CCR9: variants seen among roughly 807,000 people sequenced by gnomAD.
CCR9 encodes the protein C-C motif chemokine receptor 9, also known as C-C chemokine receptor type 9.
In CCR9, 4 loss-of-function variants were observed where a neutral mutation model predicts 8.7. The ratio of observed to expected loss-of-function variants is 0.46; its 90% confidence interval spans 0.23 to 1.06. The LOEUF (loss-of-function observed/expected upper bound fraction) is 1.06. CCR9 is among the 50% of genes least tolerant of loss of function. The probability of loss-of-function intolerance (pLI) is 0.21; values close to 1 mark genes in which losing one functional copy is unlikely to be tolerated. For synonymous variants in CCR9, 159 were observed against 168.8 expected (o/e 0.94, Z 0.45); for missense variants, 394 against 453.6 (o/e 0.87, Z 1.19).
rs993716060 is a variant in CCR9, at chr3:45,900,511, G to C, written c.22-299G>C. Among the ~76,000 whole-genome samples the C allele has an allele frequency of 6.6e-6, 1 of 152,144 alleles. No homozygotes were observed. Among genetic ancestry groups the C allele is most frequent in the African/African-American group, 2.4e-5 (1 of 41,430 alleles). The stretch of plus-strand genomic sequence containing the variant: ...ATGCACACTATAAATGTTCATTTGC[G>C]TGTCTGGTTGCTCTATGGGTAGGTA... On this transcript the variant is annotated intron_variant, in intron 2 of 2. Coordinates refer to ENST00000357632, the MANE Select transcript of CCR9 (RefSeq NM_031200.3). The surrounding 1 kb of genome is among the most constrained non-coding windows in gnomAD (Gnocchi z 4.7).
Position 45,892,201 on chromosome 3 carries a change from T to G in CCR9, c.-28-2705T>G, listed in dbSNP as rs72884922. Among the ~76,000 whole-genome samples, 1,156 of 152,300 alleles carry G rather than the reference T, an allele frequency of 7.6e-3. 15 individuals are homozygous for G. Among genetic ancestry groups the G allele is most frequent in the African/African-American group, 0.026 (1,086 of 41,560 alleles). On this transcript the variant is annotated intron_variant, in intron 1 of 2. Transcript: ENST00000357632. The stretch of plus-strand genomic sequence containing the variant: ...CACACATACATATACATATACAAAT[T>G]GTCTATCTATCTATCTAATTTAATC...
At position 45,901,469 on chromosome 3, in the gene CCR9, C is replaced by T. The variant is rs145949330; in HGVS notation, c.681C>T (p.Phe227=). The change falls in exon 3 of 3, where the codon TTC becomes TTT. Residue 227 remains phenylalanine (F), a synonymous_variant. Transcript: ENST00000357632. The surrounding 1 kb of genome is among the most constrained non-coding windows in gnomAD (Gnocchi z 4.3). ...TCATTCTGGGGTTCTTCCTTCCCTT[C>T]GTGGTCATGGCTTGCTGCTATACCA... ...LKVILGFFLP[F]VVMACCYTII... is the part of the protein sequence containing the mutation. 90 of 1,614,048 alleles carry T rather than the reference C, an allele frequency of 5.6e-5. No homozygotes were observed. The highest frequency in any genetic ancestry group is 9.3e-5 in the African/African-American group (7 of 74,932).
chr3:45,886,315 G>T (rs1320937935), upstream of CCR9, among the ~76,000 whole-genome samples: 1 of 152,206 alleles, frequency 6.6e-6, no homozygotes, highest in Non-Finnish European at 1.5e-5. Flanking sequence ...TCTAGGAAGA[G>T]AATTTGCTCT....
chr3:45,890,277 T>TATATAAATATATATATAAC (rs1559421375), intron 1 of CCR9, among the ~76,000 whole-genome samples: 1,477 of 69,376 alleles, frequency 0.021, 510 homozygotes, highest in African/African-American at 0.069. Flanking sequence ...ATAACATATA[T>TATATAAATATATATATAAC]ATATATTTAT....
In CCR9 at chr3:45,888,907, C is replaced by T. The variant is rs931026859; in HGVS notation, c.-29+2252C>T. The stretch of plus-strand genomic sequence containing the variant: ...TGGCTCTCTCCAAATTTTCTATGAG[C>T]CAGAAGCAGATGCATATTTTATAAA... On this transcript the variant is annotated intron_variant, in intron 1 of 2. Coordinates refer to ENST00000357632, the MANE Select transcript of CCR9 (RefSeq NM_031200.3). Among the ~76,000 whole-genome samples, 3 of 152,270 alleles carry T rather than the reference C, an allele frequency of 2.0e-5. No individual in the cohort carries two copies. The East Asian group carries it at 5.8e-4, about 29-fold the overall frequency.
chr3:45,889,877 T>C (rs2125739808), intron 1 of CCR9, among the ~76,000 whole-genome samples: 1 of 152,066 alleles, frequency 6.6e-6, no homozygotes, highest in African/African-American at 2.4e-5. Context: ...ATTTTTGTTC[T>C]GCTCCAACAT....
chr3:45,888,398 A>G (rs1702048381), intron 1 of CCR9, among the ~76,000 whole-genome samples: 1 of 152,190 alleles, frequency 6.6e-6, no homozygotes, highest in Non-Finnish European at 1.5e-5. Context: ...ACCACAACTC[A>G]TAGCACTTTC....
intron 1 of CCR9, among the ~76,000 whole-genome samples, chr3:45,889,851 T>C (rs1702094669): frequency 6.6e-6 from 1 of 151,952 alleles, no homozygotes; most frequent in Non-Finnish European, 1.5e-5. Flanking sequence ...TTGCTGAATA[T>C]TTAAGTTGTT....
Position 45,902,211 on chromosome 3 carries a change from C to A in CCR9, c.*313C>A, listed in dbSNP as rs200911894. 1 of 258,126 alleles carries A rather than the reference C, an allele frequency of 3.9e-6. No individual in the cohort carries two copies. Among genetic ancestry groups the A allele is most frequent in the Non-Finnish European group, 7.9e-6 (1 of 127,134 alleles). The allele number at this position is 258,126 out of a possible 1,614,324, so 16.0% of individuals were successfully genotyped here. On this transcript the variant is annotated 3_prime_UTR_variant, in exon 3 of 3. Transcript: ENST00000357632. ...TCAATGCCGCTGCCTCTGGAGGAGC[C>A]CTTGGATTTTCTCCATGCACTGTGA...
chr3:45,900,796 G>A lies in CCR9; in HGVS notation c.22-14G>A, dbSNP rs1161393788. 3 of 1,598,748 alleles carry A rather than the reference G, an allele frequency of 1.9e-6. No individual in the cohort carries two copies. Among genetic ancestry groups the A allele is most frequent in the Non-Finnish European group, 2.6e-6 (3 of 1,170,510 alleles). On this transcript the variant is annotated splice_polypyrimidine_tract_variant and intron_variant, in intron 2 of 2. Coordinates refer to ENST00000357632, the MANE Select transcript of CCR9 (RefSeq NM_031200.3). The surrounding 1 kb of genome is among the most constrained non-coding windows in gnomAD (Gnocchi z 4.7). ...ATTTTCCTTGACCTAATGCCATCTTGTGTCCCCTTGCAGAGCCCTATTCCT... is the reference window on the plus strand; with the variant it reads ...ATTTTCCTTGACCTAATGCCATCTTATGTCCCCTTGCAGAGCCCTATTCCT...
intron 1 of CCR9, among the ~76,000 whole-genome samples, chr3:45,890,079 A>G (rs535769240): frequency 1.7e-4 from 26 of 149,760 alleles, no homozygotes; most frequent in Admixed American, 3.4e-4. Flanking sequence ...ACTCTTACCA[A>G]TGTCGTTACC....
At chr3:45,892,154 G>C (rs1039442423) in intron 1 of CCR9, among the ~76,000 whole-genome samples, 1 of 152,132 alleles carries the variant, frequency 6.6e-6, no homozygotes, top group Non-Finnish European at 1.5e-5. Flanking sequence ...AGCAGACAGA[G>C]ACAGGAAATA....
Position 45,890,312 on chromosome 3 carries a change from T to TATAA in CCR9, c.-29+3660_-29+3661insAATA, listed in dbSNP as rs10677703. ...TATAAATATATATATAACATATATATATATTTATATAAATATATATATAAC... is the reference window on the plus strand; with the variant it reads ...TATAAATATATATATAACATATATATATAAATATTTATATAAATATATATATAAC... On this transcript the variant is annotated intron_variant, in intron 1 of 2. Transcript: ENST00000357632. Among the ~76,000 whole-genome samples the TATAA allele has an allele frequency of 4.2e-4, 26 of 61,978 alleles. 5 individuals carry two copies. Among genetic ancestry groups the TATAA allele is most frequent in the South Asian group, 1.1e-3 (3 of 2,682 alleles). 40.7% of individuals were successfully genotyped at this position (61,978 alleles called of 152,430 possible).
rs1314332527 is a variant in CCR9, at chr3:45,901,181, C to T, written c.393C>T (p.Tyr131=). ...ACAGCATGTACAAGATGAACTTCTACAGCTGTGTGTTGCTGATCATGTGCA... is the reference window on the plus strand; with the variant it reads ...ACAGCATGTACAAGATGAACTTCTATAGCTGTGTGTTGCTGATCATGTGCA... ...VVNSMYKMNF[Y]SCVLLIMCIS... Residue 131 remains tyrosine, a synonymous_variant, in exon 3 of 3, where the codon TAC becomes TAT. Transcript: ENST00000357632. The surrounding 1 kb of genome is among the most constrained non-coding windows in gnomAD (Gnocchi z 4.3). The T allele has an allele frequency of 1.9e-6, 3 of 1,614,206 alleles. No homozygotes were observed. The highest frequency in any genetic ancestry group is 1.7e-5 in the Admixed American group (1 of 60,028).
intron 1 of CCR9, among the ~76,000 whole-genome samples, chr3:45,889,674 A>T (rs1206910988): frequency 6.6e-6 from 1 of 151,478 alleles, no homozygotes; most frequent in African/African-American, 2.4e-5. Flanking sequence ...AGTGCAGTGT[A>T]TGTCTTTTTC....
intron 2 of CCR9, chr3:45,897,535 C>T (rs1010116743): frequency 4.7e-6 from 7 of 1,490,428 alleles, no homozygotes; most frequent in South Asian, 3.6e-5. Context: ...GATTTCTGCA[C>T]AATTTCTCCC....
intron 1 of CCR9, among the ~76,000 whole-genome samples, chr3:45,888,375 T>C (rs1702048069): frequency 6.6e-6 from 1 of 152,188 alleles, no homozygotes; most frequent in Non-Finnish European, 1.5e-5. Flanking sequence ...ATGACCTCCT[T>C]CTTCCAATTC....
chr3:45,899,702 G>C (rs1702483389), intron 2 of CCR9, among the ~76,000 whole-genome samples: 1 of 152,160 alleles, frequency 6.6e-6, no homozygotes, highest in Non-Finnish European at 1.5e-5. Context: ...AGCGCTTGAA[G>C]ATCTGTGGGC....
intron 1 of CCR9, among the ~76,000 whole-genome samples, chr3:45,889,371 C>T (rs775287259): frequency 2.4e-4 from 36 of 152,092 alleles, no homozygotes; most frequent in Non-Finnish European, 4.1e-4. Flanking sequence ...AAAGTAGCCT[C>T]GGTGAATGTA....
Sources: allele counts gnomAD v4.1 joint callset (sites outside exome capture counted in the v4.1 genomes callset), GRCh38; gene constraint gnomAD v4.1.1; non-coding constraint Gnocchi (gnomAD v3.1); transcripts MANE v1.5; gene names NCBI Gene and HGNC (gene_info 2026-07-23, HGNC 2026-07-21).